Variants in PALLD observed in about 807,000 individuals in gnomAD.
PALLD encodes palladin, cytoskeletal associated protein, also known as palladin.
PALLD carries 61 observed loss-of-function variants against 123.5 expected under a neutral mutation model. That is an observed-to-expected ratio of 0.49 (90% CI 0.40 to 0.61). The LOEUF (loss-of-function observed/expected upper bound fraction) is 0.61, where lower values mean the gene tolerates loss of function less well. Ranked by LOEUF, PALLD falls within the 20% of genes least tolerant of loss-of-function variation. The pLI is 0.00. For synonymous variants in PALLD, 465 were observed against 496.4 expected, an observed-to-expected ratio of 0.94 and a Z score of 0.84; for missense variants, 1,273 against 1,377.0, an observed-to-expected ratio of 0.92 and a Z score of 1.20.
chr4:168,726,764 A>AT (rs1786629895), intron 10 of PALLD, among the ~76,000 whole-genome samples: 1 of 151,924 alleles, frequency 6.6e-6, no homozygotes. Context: ...AAAAAAAAAA[A>AT]TCAACTTCTA....
chr4:168,914,390 C>T (rs1010060499), intron 16 of PALLD, among the ~76,000 whole-genome samples: 2 of 152,154 alleles, frequency 1.3e-5, no homozygotes, highest in African/African-American at 4.8e-5. Flanking sequence ...AGTGGACGCA[C>T]ACATTAAAAG....
chr4:168,594,925 T>C (rs1771827586), intron 2 of PALLD, among the ~76,000 whole-genome samples: 1 of 152,182 alleles, frequency 6.6e-6, no homozygotes, highest in Non-Finnish European at 1.5e-5. Context: ...GCTAGGCTTA[T>C]GACTTTCAAA....
chr4:168,527,764 C>A (rs1336183181), intron 2 of PALLD, among the ~76,000 whole-genome samples: 2 of 152,288 alleles, frequency 1.3e-5, no homozygotes, highest in East Asian at 3.9e-4. Context: ...AGTGGCTGAT[C>A]TGTGTAGACT....
chr4:168,824,263 A>T (rs532728362), intron 10 of PALLD, among the ~76,000 whole-genome samples: 63 of 152,278 alleles, frequency 4.1e-4, no homozygotes, highest in Non-Finnish European at 6.9e-4. Flanking sequence ...TTGTCCAGAA[A>T]TACATTTTTT....
At chr4:168,900,034 T>TGAAGGC (rs772952824) in intron 14 of PALLD, among the ~76,000 whole-genome samples, 3 of 151,996 alleles carry the variant, frequency 2.0e-5, no homozygotes, top group Non-Finnish European at 4.4e-5. Flanking sequence ...ACAATCATGG[T>TGAAGGC]GAAGGCGAAG....
intron 14 of PALLD, among the ~76,000 whole-genome samples, chr4:168,901,703 C>T (rs1756555097): frequency 6.6e-6 from 1 of 151,962 alleles, no homozygotes; most frequent in South Asian, 2.1e-4. Context: ...ACTAAAAATA[C>T]AAACATTAGC....
chr4:168,810,989 A>G (rs1741032281), intron 10 of PALLD, among the ~76,000 whole-genome samples: 1 of 152,188 alleles, frequency 6.6e-6, no homozygotes, highest in African/African-American at 2.4e-5. Context: ...TCAGAGGTTA[A>G]GGACAAAAAA....
chr4:168,778,849 C>T (rs1475958697), intron 10 of PALLD, among the ~76,000 whole-genome samples: 1 of 152,190 alleles, frequency 6.6e-6, no homozygotes, highest in Non-Finnish European at 1.5e-5. Flanking sequence ...TTTGTACAGG[C>T]AGAGTCTCAC....
intron 3 of PALLD, among the ~76,000 whole-genome samples, chr4:168,680,483 A>C: frequency 6.4e-5 from 1 of 15,510 alleles, no homozygotes; most frequent in African/African-American, 2.4e-4. Flanking sequence ...TTCCGTCTCA[A>C]AAAAAAAAAA....
At chr4:168,746,751 G>T (rs1730387362) in intron 10 of PALLD, among the ~76,000 whole-genome samples, 1 of 152,136 alleles carries the variant, frequency 6.6e-6, no homozygotes, top group African/African-American at 2.4e-5. Flanking sequence ...GGGACCAAGA[G>T]ATATAAATGA....
At chr4:168,620,523 T>C (rs1201065561) in intron 2 of PALLD, among the ~76,000 whole-genome samples, 1 of 152,160 alleles carries the variant, frequency 6.6e-6, no homozygotes, top group African/African-American at 2.4e-5. Context: ...ATGTCCAAAT[T>C]ATAGTGCTCA....
intron 10 of PALLD, among the ~76,000 whole-genome samples, chr4:168,828,266 A>G (rs1229339754): frequency 6.6e-6 from 1 of 152,254 alleles, no homozygotes; most frequent in African/African-American, 2.4e-5. Flanking sequence ...GCCGGAAGAT[A>G]TATTAATATT....
intron 2 of PALLD, among the ~76,000 whole-genome samples, chr4:168,557,028 C>CTTGTTT (rs913419482): frequency 2.3e-5 from 2 of 87,104 alleles, no homozygotes; most frequent in Non-Finnish European, 5.3e-5. Context: ...CACATTTCCA[C>CTTGTTT]TTGTTTTTGT....
At chr4:168,716,587 C>T (rs1785388781) in intron 10 of PALLD, among the ~76,000 whole-genome samples, 1 of 152,158 alleles carries the variant, frequency 6.6e-6, no homozygotes, top group South Asian at 2.1e-4. Flanking sequence ...CTCTCACTCC[C>T]ACCCTTTGAT....
chr4:168,691,657 T>C (rs1404455334), intron 8 of PALLD, among the ~76,000 whole-genome samples: 1 of 152,196 alleles, frequency 6.6e-6, no homozygotes, highest in Admixed American at 6.5e-5. Flanking sequence ...CTATTTGTAC[T>C]GATCAGAACC....
At chr4:168,850,293 C>G (rs915858197) in intron 10 of PALLD, among the ~76,000 whole-genome samples, 1 of 151,922 alleles carries the variant, frequency 6.6e-6, no homozygotes, top group Non-Finnish European at 1.5e-5. Context: ...GCCCCTACTC[C>G]CCACCAAGAA....
intron 2 of PALLD, among the ~76,000 whole-genome samples, chr4:168,555,664 C>A (rs1433875638): frequency 6.6e-6 from 1 of 152,102 alleles, no homozygotes; most frequent in Non-Finnish European, 1.5e-5. Context: ...GGCAGAGTGC[C>A]GCAAAAGTAA....
intron 10 of PALLD, among the ~76,000 whole-genome samples, chr4:168,804,017 G>A (rs1353331779): frequency 6.6e-6 from 1 of 152,140 alleles, no homozygotes; most frequent in Non-Finnish European, 1.5e-5. Context: ...CATTTACAGT[G>A]TAGAGCTGTT....
At chr4:168,822,532 G>T (rs1028228479) in intron 10 of PALLD, among the ~76,000 whole-genome samples, 1 of 152,192 alleles carries the variant, frequency 6.6e-6, no homozygotes, top group Non-Finnish European at 1.5e-5. Context: ...CCTTCAACCT[G>T]ATACTAACTC....
Sources: allele counts gnomAD v4.1 joint callset (sites outside exome capture counted in the v4.1 genomes callset), GRCh38; gene constraint gnomAD v4.1.1; transcripts MANE v1.5; gene names NCBI Gene and HGNC (gene_info 2026-07-23, HGNC 2026-07-21).